The following ANTXRL variants were observed in gnomAD, a reference collection of about 807,000 sequenced individuals.
The protein encoded by ANTXRL is anthrax toxin receptor-like.
In ANTXRL, 63 loss-of-function variants were observed where a neutral mutation model predicts 75.4. That is an observed-to-expected ratio of 0.84 (90% CI 0.68 to 1.03). The LOEUF (loss-of-function observed/expected upper bound fraction) is 1.03, where lower values mean the gene tolerates loss of function less well. Among genes scored for constraint, ANTXRL ranks in the 50% least tolerant of loss-of-function variants. The probability of loss-of-function intolerance (pLI) is 0.00; values close to 1 mark genes in which losing one functional copy is unlikely to be tolerated. For synonymous variants in ANTXRL, 335 were observed against 291.3 expected, an observed-to-expected ratio of 1.15 and a Z score of -1.53; for missense variants, 797 against 789.4, an observed-to-expected ratio of 1.01 and a Z score of -0.12.
At chr10:46,305,499 C>A (rs1167442503) in intron 10 of ANTXRL, among the ~76,000 whole-genome samples, 18 of 152,072 alleles carry the variant, frequency 1.2e-4, no homozygotes, top group Non-Finnish European at 1.5e-4. Flanking sequence ...TCATCCTTGG[C>A]AAAAAAGTCA....
chr10:46,286,605 G>A (rs1343967977), upstream of ANTXRL, among the ~76,000 whole-genome samples: 1 of 152,158 alleles, frequency 6.6e-6, no homozygotes, highest in African/African-American at 2.4e-5. Flanking sequence ...AATGTAGGTG[G>A]TCTGTTACAC....
intron 1 of ANTXRL, among the ~76,000 whole-genome samples, chr10:46,290,999 CA>C (rs1325144744): frequency 6.6e-6 from 1 of 151,872 alleles, no homozygotes; most frequent in East Asian, 1.9e-4. Context: ...GTGCCATATC[CA>C]AAAAAATCCC....
In ANTXRL at chr10:46,287,326, C is replaced by A. The variant is rs1313191175; in HGVS notation, c.64C>A (p.Pro22Thr). The change falls in exon 1 of 17, where the codon CCA becomes ACA. Residue 22 changes from proline to threonine, a missense_variant. Physicochemically the swap from Pro to Thr is conservative, Grantham distance 38. Around this residue, in one of 3 missense-constraint regions of ANTXRL, gnomAD observed 262 missense variants for 271.9 expected, o/e 0.96. Transcript: ENST00000620264. Reference protein sequence around the residue: ...LVFLLLLLLPPPLFRAGSLRY... With the variant: ...LVFLLLLLLPTPLFRAGSLRY... ...CTTCCTGCTGCTGCTGCTGCTTCCTCCACCGCTTTTTAGAGCAGGAAGCCT... is the reference window on the plus strand; with the variant it reads ...CTTCCTGCTGCTGCTGCTGCTTCCTACACCGCTTTTTAGAGCAGGAAGCCT... 1 of 1,536,000 alleles carries A rather than the reference C, an allele frequency of 6.5e-7. No individual in the cohort carries two copies. Among genetic ancestry groups the A allele is most frequent in the Non-Finnish European group, 8.7e-7 (1 of 1,146,770 alleles).
chr10:46,289,837 A>C (rs1554956065), intron 1 of ANTXRL, among the ~76,000 whole-genome samples: 1 of 152,066 alleles, frequency 6.6e-6, no homozygotes. Context: ...TTCTCTATCT[A>C]TGAGTTTGCC....
At chr10:46,315,450 G>A (rs1274596543) in intron 16 of ANTXRL, among the ~76,000 whole-genome samples, 6 of 151,898 alleles carry the variant, frequency 4.0e-5, no homozygotes, top group Non-Finnish European at 8.8e-5. Context: ...GGCATAGGCT[G>A]TCTGTCTCTT....
chr10:46,289,348 T>C (rs1836889175), intron 1 of ANTXRL, among the ~76,000 whole-genome samples: 1 of 152,196 alleles, frequency 6.6e-6, no homozygotes, highest in Non-Finnish European at 1.5e-5. Context: ...CATTTTTAAG[T>C]GTACAATTCA....
At chr10:46,327,995 G>A (rs1205998479) in intron 16 of ANTXRL, among the ~76,000 whole-genome samples, 1 of 152,176 alleles carries the variant, frequency 6.6e-6, no homozygotes, top group Non-Finnish European at 1.5e-5. Context: ...CTGGGATCCT[G>A]CTGCAGCCCT....
intron 16 of ANTXRL, among the ~76,000 whole-genome samples, chr10:46,317,116 T>C (rs1238581303): frequency 6.6e-6 from 1 of 152,230 alleles, no homozygotes; most frequent in Non-Finnish European, 1.5e-5. Context: ...TAAAGGTGTG[T>C]ATAGCTCACA....
chr10:46,293,521 G>A (rs150608897), intron 2 of ANTXRL, among the ~76,000 whole-genome samples: 11 of 48,640 alleles, frequency 2.3e-4, no homozygotes, highest in African/African-American at 7.2e-4. Flanking sequence ...GTGTGTGTGT[G>A]CCTCTGTGTG....
rs1327601361 is a variant in ANTXRL, at chr10:46,293,688, A to G, written c.321-141A>G. ...GTCTCCACAGGCCTCAGAGTCCTTC[A>G]CTACATTTATCTCACCTCCTTGTGT... is the stretch of plus-strand genomic sequence containing the variant. On this transcript the variant is annotated intron_variant, in intron 2 of 16. Transcript: ENST00000620264. The G allele has an allele frequency of 1.9e-5, 13 of 701,158 alleles. No individual in the cohort carries two copies. In the Admixed American group the frequency reaches 3.3e-4, roughly 18 times the overall value. The allele number at this position is 701,158 out of a possible 1,614,324, so 43.4% of individuals were successfully genotyped here.
intron 5 of ANTXRL, among the ~76,000 whole-genome samples, chr10:46,296,508 A>AG (rs1161717163): frequency 6.6e-6 from 1 of 151,968 alleles, no homozygotes; most frequent in Non-Finnish European, 1.5e-5. Context: ...CTTGCCCTCC[A>AG]GCTGGGCTGT....
chr10:46,324,157 G>A (rs1435867685), intron 16 of ANTXRL, among the ~76,000 whole-genome samples: 2 of 152,128 alleles, frequency 1.3e-5, no homozygotes, highest in African/African-American at 4.8e-5. Context: ...ACTGTTGAGT[G>A]GGAGAGCATA....
chr10:46,326,844 T>A (rs1245267784), intron 16 of ANTXRL, among the ~76,000 whole-genome samples: 1 of 151,944 alleles, frequency 6.6e-6, no homozygotes, highest in Non-Finnish European at 1.5e-5. Context: ...CAGGTGGAGG[T>A]CTGGGCCAAG....
chr10:46,319,106 A>C (rs902975734), intron 16 of ANTXRL, among the ~76,000 whole-genome samples: 1 of 152,200 alleles, frequency 6.6e-6, no homozygotes, highest in African/African-American at 2.4e-5. Flanking sequence ...TTGTTTATGT[A>C]CTGAGTTAGG....
chr10:46,329,965 C>T lies in ANTXRL; in HGVS notation c.1777C>T (p.Arg593Cys), dbSNP rs782077432. The T allele has an allele frequency of 8.1e-5, 124 of 1,535,732 alleles. No individual in the cohort carries two copies. The highest frequency in any genetic ancestry group is 6.7e-4 in the Middle Eastern group (4 of 5,980). The change falls in exon 17 of 17, where the codon CGC becomes TGC. Residue 593 changes from arginine to cysteine, a missense_variant. Arg to Cys is a radical substitution (Grantham distance 180, BLOSUM62 -3). Coordinates refer to ENST00000620264, the MANE Select transcript of ANTXRL (RefSeq NM_001278688.3). ...CCCCCTCACCTGCTCCTCCAGGTGC[C>T]GCCTCCCCCCAGCTAGGTGCTTGAG... The part of the protein sequence containing the change: ...CLPLTCSSRC[R>C]LPPARCLRPP...
Position 46,297,982 on chromosome 10 carries a change from C to T in ANTXRL, c.736-20C>T, listed in dbSNP as rs782105498. 3.3e-5 allele frequency: 51 copies of T among 1,535,734 alleles called. No individual in the cohort carries two copies. The South Asian group carries it at 5.6e-4, about 17-fold the overall frequency. ...GGAAGCTCACTCTCCCTGTCCCGCC[C>T]CACCCCTCCTGTGTTCCAGCTCACG... On this transcript the variant is annotated intron_variant, in intron 8 of 16. Transcript: ENST00000620264.
rs1178038519 is a variant in ANTXRL, at chr10:46,308,577, C to T, written c.1045-536C>T. 14 of 391,228 alleles carry T rather than the reference C, an allele frequency of 3.6e-5. No homozygotes were observed. The Admixed American group carries it at 3.8e-4, about 11-fold the overall frequency. The allele number at this position is 391,228 out of a possible 1,614,324, so 24.2% of individuals were successfully genotyped here. A position where few individuals can be genotyped will look rare whatever the true frequency, so the allele number is the denominator to read the frequency against. ...CAGAGAACTGTTCCCGTTGCTTATA[C>T]CCCATGTGGCCCTGGTTCTGAGCCA... On this transcript the variant is annotated intron_variant, in intron 12 of 16. Coordinates refer to ENST00000620264, the MANE Select transcript of ANTXRL (RefSeq NM_001278688.3).
At chr10:46,293,474 G>C (rs1217072146) in intron 2 of ANTXRL, among the ~76,000 whole-genome samples, 1 of 145,210 alleles carries the variant, frequency 6.9e-6, no homozygotes, top group East Asian at 2.0e-4. Context: ...GTGTGTGTAT[G>C]CATGTGTGTG....
chr10:46,323,932 A>AG (rs1443227380), intron 16 of ANTXRL, among the ~76,000 whole-genome samples: 4 of 152,176 alleles, frequency 2.6e-5, no homozygotes, highest in Non-Finnish European at 4.4e-5. Context: ...ATATCCTGTG[A>AG]GTCCAAGAAA....
Sources: gnomAD v4.1 joint callset for allele counts (sites outside exome capture counted in the v4.1 genomes callset) on GRCh38, gnomAD v4.1.1 for gene constraint, gnomAD v4.1.1 regional missense constraint, MANE v1.5 for transcripts, NCBI Gene and HGNC (gene_info 2026-07-23, HGNC 2026-07-21) for gene names.